Variants in CFAP74 observed in about 807,000 individuals in gnomAD.
CFAP74 encodes the protein cilia- and flagella-associated protein 74.
A neutral mutation model predicts 188.9 loss-of-function variants in CFAP74; 124 were observed. The ratio of observed to expected loss-of-function variants is 0.66; its 90% confidence interval spans 0.57 to 0.76. CFAP74 has a LOEUF of 0.76. Among genes scored for constraint, CFAP74 ranks in the 30% least tolerant of loss-of-function variants. The pLI, the probability that CFAP74 is intolerant of heterozygous loss-of-function variation, is 0.00. For synonymous variants in CFAP74, 956 were observed against 916.7 expected (o/e 1.04, Z -0.77); for missense variants, 2,198 against 2,165.2 (o/e 1.02, Z -0.30).
chr1:1,972,867 C>T lies in CFAP74; in HGVS notation c.785+70G>A, dbSNP rs1039792690. The T allele has an allele frequency of 3.1e-6, 3 of 969,644 alleles. No homozygotes were observed. The African/African-American group carries it at 4.9e-5, about 16-fold the overall frequency. The allele number at this position is 969,644 out of a possible 1,614,324, so 60.1% of individuals were successfully genotyped here. ...AAATAAATAAATAATAAAATCAGGG[C>T]ATTTCAAGACAAAAGCAAGTGACCC... On this transcript the variant is annotated intron_variant, in intron 8 of 38. Coordinates refer to ENST00000682832, the MANE Select transcript of CFAP74 (RefSeq NM_001304360.2).
chr1:1,970,575 ATG>A (rs1466193965), intron 10 of CFAP74, 82 bp downstream of exon 10: 4 of 1,443,478 alleles, frequency 2.8e-6, no homozygotes, highest in Admixed American at 2.1e-5. Flanking sequence ...GCTTTGCTCA[ATG>A]TGAAGCCGAA....
chr1:1,934,940 T>TAATGA (rs1557997614), intron 25 of CFAP74, among the ~76,000 whole-genome samples: 129 of 89,678 alleles, frequency 1.4e-3, no homozygotes, highest in Admixed American at 2.4e-3. Flanking sequence ...CACAGGTGTG[T>TAATGA]ACGTGGGTGT....
At chr1:1,958,895 T>C (rs1243737576) in intron 16 of CFAP74, among the ~76,000 whole-genome samples, 3 of 152,170 alleles carry the variant, frequency 2.0e-5, no homozygotes, top group Non-Finnish European at 4.4e-5. Flanking sequence ...TTGTCTCATT[T>C]TTCCAGCACT....
chr1:1,926,410 C>T (rs768808678), intron 31 of CFAP74, 47 bp downstream of exon 31: 36 of 1,550,132 alleles, frequency 2.3e-5, no homozygotes, highest in African/African-American at 1.4e-5. Context: ...CCTCCCCGGT[C>T]CCCGCTCCCA....
At chr1:1,961,063 T>C (rs771116262) in intron 14 of CFAP74, among the ~76,000 whole-genome samples, 3 of 152,202 alleles carry the variant, frequency 2.0e-5, no homozygotes, top group East Asian at 1.9e-4. Context: ...AGAAACTTAC[T>C]GAGCAATTTC....
chr1:1,932,177 A>C (rs1284122657), intron 25 of CFAP74, among the ~76,000 whole-genome samples: 4 of 151,616 alleles, frequency 2.6e-5, no homozygotes, highest in African/African-American at 9.7e-5. Flanking sequence ...CGGGCAGATC[A>C]CGAGGTCAGG....
At position 1,996,227 on chromosome 1, in the gene CFAP74, C is replaced by T. The variant is rs138207851; in HGVS notation, c.-19-5252G>A. Among the ~76,000 whole-genome samples the T allele has an allele frequency of 4.9e-3, 751 of 152,234 alleles. 5 individuals carry two copies. Among genetic ancestry groups the T allele is most frequent in the Non-Finnish European group, 9.1e-3 (618 of 68,018 alleles). Reference sequence around the variant, plus strand: ...TTCAAACTCAAGACCTCGGGTAATCCGCCCGCCTCAGCCTTCCGAAGTGCT... The same window carrying T: ...TTCAAACTCAAGACCTCGGGTAATCTGCCCGCCTCAGCCTTCCGAAGTGCT... On this transcript the variant is annotated intron_variant, in intron 1 of 38. Coordinates refer to ENST00000682832, the MANE Select transcript of CFAP74 (RefSeq NM_001304360.2).
chr1:1,991,761 T>A (rs13303315), intron 1 of CFAP74, among the ~76,000 whole-genome samples: 1 of 151,770 alleles, frequency 6.6e-6, no homozygotes. Context: ...TGAGATTGGC[T>A]GGGCGTGGTG....
chr1:1,948,995 T>C (rs1488977325), intron 18 of CFAP74, among the ~76,000 whole-genome samples: 8 of 15,720 alleles, frequency 5.1e-4, no homozygotes, highest in African/African-American at 7.6e-4. Flanking sequence ...CTTTCCTTCA[T>C]TCCCTTCCTT....
intron 18 of CFAP74, among the ~76,000 whole-genome samples, chr1:1,950,721 T>C (rs558831842): frequency 2.0e-5 from 3 of 152,346 alleles, no homozygotes; most frequent in Non-Finnish European, 4.4e-5. Context: ...TTATCGGATT[T>C]GTGATTTGCT....
At position 1,935,039 on chromosome 1, in the gene CFAP74, G is replaced by A. The variant is rs541929896; in HGVS notation, c.3011+3816C>T. ...TTGCTGTGGGTACACACGTGTGTAC[G>A]TGGGTGTTAGGCTGTGGGTACACAC... On this transcript the variant is annotated intron_variant, in intron 25 of 38. Coordinates refer to ENST00000682832, the MANE Select transcript of CFAP74 (RefSeq NM_001304360.2). Among the ~76,000 whole-genome samples, 71 of 85,710 alleles carry A rather than the reference G, an allele frequency of 8.3e-4. 19 individuals carry two copies. Among genetic ancestry groups the A allele is most frequent in the Non-Finnish European group, 1.4e-3 (58 of 40,684 alleles). 56.2% of individuals were successfully genotyped at this position (85,710 alleles called of 152,430 possible). A position where few individuals can be genotyped will look rare whatever the true frequency, so the allele number is the denominator to read the frequency against.
At position 1,926,561 on chromosome 1, in the gene CFAP74, C is replaced by A. The variant is rs780586811; in HGVS notation, c.3773-49G>T. On this transcript the variant is annotated intron_variant, in intron 30 of 38. Transcript: ENST00000682832. ...GGCCCCAGCCCCAGGCCCCAGGGAG[C>A]GTCTCTGCCAGGGGTGGGCCGTGGG... The A allele has an allele frequency of 2.5e-4, 394 of 1,547,326 alleles. 1 individual carries two copies. The highest frequency in any genetic ancestry group is 3.2e-4 in the Non-Finnish European group (368 of 1,144,854).
chr1:1,928,758 G>A (rs560495787), intron 27 of CFAP74, 26 bp downstream of exon 27: 275 of 1,512,180 alleles, frequency 1.8e-4, no homozygotes, highest in Non-Finnish European at 2.2e-4. Context: ...CCCGACCTAC[G>A]CCCCTCCTTC....
intron 14 of CFAP74, 34 bp from the exon 15 acceptor site, chr1:1,960,064 G>A: frequency 6.4e-7 from 1 of 1,573,054 alleles, no homozygotes; most frequent in Non-Finnish European, 8.7e-7. Context: ...ACGGGGGTTA[G>A]TGCTGCGGAG....
At position 1,922,710 on chromosome 1, in the gene CFAP74, C is replaced by G. The variant is rs1379839028; in HGVS notation, c.4697G>C (p.Ser1566Thr). 1 of 1,602,326 alleles carries G rather than the reference C, an allele frequency of 6.2e-7. No homozygotes were observed. Among genetic ancestry groups the G allele is most frequent in the African/African-American group, 1.3e-5 (1 of 74,744 alleles). The part of the protein sequence containing the change: ...QPSPKKTVEF[S>T]IDSVASLQHK... ...CTGCAGGGATGCGACGCTGTCTATG[C>G]TGAACTCAACGGTCTGTGGGGTATG... Residue 1566 changes from serine to threonine, a missense_variant, in exon 38 of 39, where the codon AGC (serine) becomes ACC (threonine). Coordinates refer to ENST00000682832, the MANE Select transcript of CFAP74 (RefSeq NM_001304360.2).
rs759416752 is a variant in CFAP74 at position 1,930,089 on chromosome 1, G to A, written c.3259C>T (p.Pro1087Ser). The change falls in exon 26 of 39, where the codon CCC (proline) becomes TCC (serine). Residue 1087 changes from proline to serine, a missense_variant. Pro to Ser is a moderately conservative substitution (Grantham distance 74). Transcript: ENST00000682832. ...CCTGGCCACACGGTCCCCACTGAGG[G>A]CGAGATGGTGATAGGCGAGTCTGGG... ...LPPDSPITIS[P>S]SVGTVWPGKR... 1.6e-5 allele frequency: 25 copies of A among 1,532,368 alleles called. No homozygotes were observed. In the African/African-American group the frequency reaches 1.9e-4, roughly 12 times the overall value. 94.9% of individuals were successfully genotyped at this position (1,532,368 alleles called of 1,614,324 possible).
At chr1:1,936,310 C>T (rs1485800426) in intron 25 of CFAP74, among the ~76,000 whole-genome samples, 2 of 151,892 alleles carry the variant, frequency 1.3e-5, no homozygotes, top group Non-Finnish European at 2.9e-5. Flanking sequence ...CTTTGGGAGG[C>T]TGAGGCGGGT....
Position 1,971,379 on chromosome 1 carries a change from A to G in CFAP74, c.889-563T>C, listed in dbSNP as rs77372164. ...CACACCTGCACACACACGGTCACACATGCACACACGTGCACACACGGTCAC... is the reference window on the plus strand; with the variant it reads ...CACACCTGCACACACACGGTCACACGTGCACACACGTGCACACACGGTCAC... On this transcript the variant is annotated intron_variant, in intron 9 of 38. Transcript: ENST00000682832. 4.7e-3 allele frequency among the ~76,000 whole-genome samples: 706 copies of G among 150,442 alleles called. 3 individuals are homozygous for G. The highest frequency in any genetic ancestry group is 8.1e-3 in the Non-Finnish European group (550 of 67,620).
At chr1:1,938,810 C>G in intron 25 of CFAP74, 45 bp downstream of exon 25, 4 of 1,524,130 alleles carry the variant, frequency 2.6e-6, no homozygotes, top group Non-Finnish European at 3.5e-6. Flanking sequence ...CCCTCCTGAG[C>G]GGGCACTCCA....
Sources: gnomAD v4.1 joint callset for allele counts (sites outside exome capture counted in the v4.1 genomes callset) on GRCh38, gnomAD v4.1.1 for gene constraint, MANE v1.5 for transcripts, NCBI Gene and HGNC (gene_info 2026-07-23, HGNC 2026-07-21) for gene names.